C1orf21: variants seen among roughly 807,000 people sequenced by gnomAD.
The protein encoded by C1orf21 is uncharacterized protein C1orf21.
Under a neutral mutation model 18.7 loss-of-function variants are expected in C1orf21, and 3 were observed. The ratio of observed to expected loss-of-function variants is 0.16; its 90% CI spans 0.07 to 0.42. C1orf21 has a LOEUF of 0.42. Ranked by LOEUF, C1orf21 falls within the 10% of genes least tolerant of loss-of-function variation. The probability of loss-of-function intolerance (pLI) is 0.99; values close to 1 mark genes in which losing one functional copy is unlikely to be tolerated. For synonymous variants in C1orf21, 41 were observed against 46.4 expected (o/e 0.88, Z 0.47); for missense variants, 104 against 143.6 (o/e 0.72, Z 1.41).
At chr1:184,548,855 AGTT>A (rs1226078544) in intron 3 of C1orf21, among the ~76,000 whole-genome samples, 1 of 152,154 alleles carries the variant, frequency 6.6e-6, no homozygotes, top group Non-Finnish European at 1.5e-5. Flanking sequence ...ACCACGTTAA[AGTT>A]GTTGAAATAT....
intron 3 of C1orf21, chr1:184,542,573 G>A (rs893974288): frequency 6.6e-6 from 1 of 152,252 alleles, no homozygotes; most frequent in African/African-American, 2.4e-5. Flanking sequence ...TGGCAAGCAT[G>A]TCAGAATTCT....
intron 1 of C1orf21, among the ~76,000 whole-genome samples, chr1:184,463,012 G>T (rs1050908296): frequency 1.3e-5 from 2 of 151,374 alleles, no homozygotes; most frequent in Non-Finnish European, 2.9e-5. Flanking sequence ...AACCTAGGAG[G>T]CGGAGGTTGC....
intron 1 of C1orf21, among the ~76,000 whole-genome samples, chr1:184,449,096 A>G (rs1657076758): frequency 6.6e-6 from 1 of 152,140 alleles, no homozygotes; most frequent in African/African-American, 2.4e-5. Context: ...CATGTGCACA[A>G]TGTGCAGGTT....
chr1:184,619,472 C>A, intron 5 of C1orf21, 46 bp from the exon 6 acceptor site: 1 of 1,594,480 alleles, frequency 6.3e-7, no homozygotes, highest in Non-Finnish European at 8.6e-7. Flanking sequence ...TCAGGCTCTG[C>A]TTTGAATTTC....
intron 1 of C1orf21, among the ~76,000 whole-genome samples, chr1:184,429,141 A>G (rs1656691833): frequency 6.6e-6 from 1 of 152,224 alleles, no homozygotes. Context: ...AGATGAATTC[A>G]ACAGCGATTT....
chr1:184,596,596 G>A (rs1387006462), intron 4 of C1orf21, among the ~76,000 whole-genome samples: 1 of 152,102 alleles, frequency 6.6e-6, no homozygotes. Context: ...CTGGCCAGGC[G>A]CAGTGGCTTA....
At chr1:184,557,820 A>G (rs1198312831) in intron 3 of C1orf21, among the ~76,000 whole-genome samples, 1 of 152,190 alleles carries the variant, frequency 6.6e-6, no homozygotes, top group Non-Finnish European at 1.5e-5. Flanking sequence ...GTTTTAACAT[A>G]AAATACCACC....
intron 3 of C1orf21, among the ~76,000 whole-genome samples, chr1:184,586,299 T>TTG (rs1659351179): frequency 1.3e-5 from 2 of 150,720 alleles, no homozygotes; most frequent in Non-Finnish European, 3.0e-5. Context: ...TTTTTTTTTT[T>TTG]TTTGAGACGG....
chr1:184,587,262 C>CTTTT (rs35263651), intron 3 of C1orf21, among the ~76,000 whole-genome samples: 3 of 76,450 alleles, frequency 3.9e-5, no homozygotes, highest in Non-Finnish European at 5.8e-5. Context: ...GCTATTTGGG[C>CTTTT]TTTTTTTTTT....
chr1:184,435,360 T>A (rs1343300823), intron 1 of C1orf21, among the ~76,000 whole-genome samples: 4 of 152,198 alleles, frequency 2.6e-5, no homozygotes. Flanking sequence ...GTTGTTGCTT[T>A]TGAGATGGAT....
intron 4 of C1orf21, 74 bp from the exon 5 acceptor site, chr1:184,598,327 C>T (rs960596378): frequency 6.4e-6 from 9 of 1,408,218 alleles, no homozygotes; most frequent in Non-Finnish European, 8.8e-6. Flanking sequence ...TTTGGGGACT[C>T]TGCATTTTTC....
intron 1 of C1orf21, among the ~76,000 whole-genome samples, chr1:184,473,037 G>A (rs1185520793): frequency 6.6e-6 from 1 of 152,206 alleles, no homozygotes; most frequent in African/African-American, 2.4e-5. Context: ...ATCGTGGATT[G>A]CACTTCTAAT....
intron 1 of C1orf21, among the ~76,000 whole-genome samples, chr1:184,455,694 G>A (rs1657188261): frequency 6.6e-6 from 1 of 152,122 alleles, no homozygotes; most frequent in Non-Finnish European, 1.5e-5. Context: ...TCCCATCATA[G>A]CTCCAGCATC....
At chr1:184,540,023 C>A (rs1357244128) in intron 3 of C1orf21, 2 of 152,160 alleles carry the variant, frequency 1.3e-5, no homozygotes, top group Non-Finnish European at 2.9e-5. Flanking sequence ...TTAAGCCATT[C>A]TGTTTTGGGG....
At chr1:184,595,401 C>A (rs889368558) in intron 4 of C1orf21, among the ~76,000 whole-genome samples, 4 of 152,168 alleles carry the variant, frequency 2.6e-5, no homozygotes, top group African/African-American at 9.7e-5. Context: ...AGAATCAAGT[C>A]TTTATGCAGG....
At chr1:184,475,516 C>G (rs1657555850) in intron 1 of C1orf21, among the ~76,000 whole-genome samples, 1 of 152,198 alleles carries the variant, frequency 6.6e-6, no homozygotes. Context: ...CTTCTTTCCT[C>G]TGCCCAGTCA....
At chr1:184,579,932 T>C (rs2101994211) in intron 3 of C1orf21, among the ~76,000 whole-genome samples, 1 of 152,290 alleles carries the variant, frequency 6.6e-6, no homozygotes, top group Non-Finnish European at 1.5e-5. Context: ...CCATAAAAAC[T>C]CTTGCAAAAT....
At chr1:184,498,125 C>T (rs1657920788) in intron 2 of C1orf21, among the ~76,000 whole-genome samples, 1 of 152,194 alleles carries the variant, frequency 6.6e-6, no homozygotes, top group South Asian at 2.1e-4. Context: ...AACCTCCTCA[C>T]CCCTTCCCCA....
intron 1 of C1orf21, among the ~76,000 whole-genome samples, chr1:184,439,503 C>T (rs1271523939): frequency 6.6e-6 from 1 of 151,986 alleles, no homozygotes; most frequent in African/African-American, 2.4e-5. Flanking sequence ...TAAATCTACA[C>T]AGCCACACAT....
Sources: gnomAD v4.1 joint callset for allele counts (sites outside exome capture counted in the v4.1 genomes callset) on GRCh38, gnomAD v4.1.1 for gene constraint, MANE v1.5 for transcripts, NCBI Gene and HGNC (gene_info 2026-07-23, HGNC 2026-07-21) for gene names.